OCA2: variants seen among roughly 807,000 people sequenced by gnomAD.
OCA2 encodes the protein P protein.
In OCA2, 77 loss-of-function variants were observed where a neutral mutation model predicts 100.2. The observed-to-expected ratio is 0.77, with a 90% CI of 0.64 to 0.93. The LOEUF is 0.93. Ranked by LOEUF, OCA2 falls within the 40% of genes least tolerant of loss-of-function variation. OCA2 has a pLI of 0.00. For missense variants in OCA2, 1,062 were observed against 1,089.1 expected (o/e 0.98, Z 0.35); for synonymous variants, 432 against 439.2 (o/e 0.98, Z 0.21).
intron 23 of OCA2, among the ~76,000 whole-genome samples, chr15:27,757,840 G>A (rs1420173307): frequency 6.6e-6 from 1 of 152,148 alleles, no homozygotes; most frequent in Non-Finnish European, 1.5e-5. Context: ...TGTTGACTGG[G>A]ATTACAAAGT....
intron 2 of OCA2, among the ~76,000 whole-genome samples, chr15:28,071,805 C>T (rs1163876238): frequency 6.6e-6 from 1 of 152,188 alleles, no homozygotes; most frequent in African/African-American, 2.4e-5. Flanking sequence ...AGACCTCAAA[C>T]TATAGAAATC....
intron 3 of OCA2, among the ~76,000 whole-genome samples, chr15:28,029,023 T>C (rs1566817769): frequency 6.6e-6 from 1 of 152,190 alleles, no homozygotes; most frequent in East Asian, 1.9e-4. Flanking sequence ...CCTGATCAGT[T>C]CCTTCAGTTT....
intron 21 of OCA2, 149 bp from the exon 22 acceptor site, chr15:27,851,624 G>A: frequency 4.0e-6 from 3 of 754,934 alleles, no homozygotes. Flanking sequence ...GCAGACTTTG[G>A]AATCCACAGA....
chr15:27,955,051 A>C, intron 17 of OCA2, 107 bp downstream of exon 17: 1 of 860,754 alleles, frequency 1.2e-6, no homozygotes. Context: ...TAACCACAGA[A>C]ATAAAAAGAG....
rs746969709 is a variant in OCA2, at chr15:27,957,609, C to G, written c.1763G>C (p.Arg588Pro). 1 of 1,612,732 alleles carries G rather than the reference C, an allele frequency of 6.2e-7. No individual in the cohort carries two copies. The highest frequency in any genetic ancestry group is 1.1e-5 in the South Asian group (1 of 91,076). Residue 588 changes from arginine (R) to proline (P), a missense_variant, in exon 16 of 24, where the codon CGG becomes CCG. Physicochemically the swap from Arg to Pro is moderately radical, Grantham distance 103. Transcript: ENST00000354638. The surrounding 1 kb of genome is among the most constrained non-coding windows in gnomAD (Gnocchi z 4.3). ...GTACCTGTGGAAGGTGTGCAGCCTC[C>G]GGGCGAGCAGGTGCTCCAGTGCCAG... Reference protein sequence around the residue: ...KVLALEHLLARRLHTFHRQIS... With the variant: ...KVLALEHLLAPRLHTFHRQIS...
At chr15:27,922,778 CCAT>C (rs2038911115) in intron 19 of OCA2, among the ~76,000 whole-genome samples, 1 of 150,768 alleles carries the variant, frequency 6.6e-6, no homozygotes, top group Non-Finnish European at 1.5e-5. Context: ...TCACAACCCA[CCAT>C]CATTTTTTTT....
chr15:28,056,139 G>A (rs1307212749), intron 2 of OCA2, among the ~76,000 whole-genome samples: 2 of 152,164 alleles, frequency 1.3e-5, no homozygotes, highest in African/African-American at 2.4e-5. Flanking sequence ...ACTGGGGGCT[G>A]GCCAGTTCAG....
chr15:27,737,813 T>A, the OCA2 span, among the ~76,000 whole-genome samples: 2 of 152,214 alleles, frequency 1.3e-5, no homozygotes, highest in African/African-American at 4.8e-5. Flanking sequence ...AGGCAGTCAT[T>A]GATCCAGAGT....
chr15:27,830,236 G>A lies in OCA2; in HGVS notation c.2432+14723C>T, dbSNP rs140306101. Among the ~76,000 whole-genome samples, 85 of 152,176 alleles carry A rather than the reference G, an allele frequency of 5.6e-4. 2 individuals carry two copies. The East Asian group carries it at 0.014, about 25-fold the overall frequency. On this transcript the variant is annotated intron_variant, in intron 23 of 23. Coordinates refer to ENST00000354638, the MANE Select transcript of OCA2 (RefSeq NM_000275.3). ...CCCACCAACATACTCAAAACCCCAC[G>A]AGGATTTTTTCATCATAAAGGTGGT...
chr15:27,789,520 T>C (rs1175897287), intron 23 of OCA2, among the ~76,000 whole-genome samples: 4 of 152,194 alleles, frequency 2.6e-5, no homozygotes, highest in Admixed American at 2.0e-4. Context: ...AGGCTTTTCA[T>C]GTAAACAGCA....
intron 2 of OCA2, among the ~76,000 whole-genome samples, chr15:28,044,141 T>C (rs536686434): frequency 6.6e-6 from 1 of 152,232 alleles, no homozygotes; most frequent in Non-Finnish European, 1.5e-5. Context: ...TATATGTGTA[T>C]GTGTACAACT....
chr15:27,840,912 A>G (rs1338488523), intron 23 of OCA2, among the ~76,000 whole-genome samples: 1 of 152,198 alleles, frequency 6.6e-6, no homozygotes, highest in Non-Finnish European at 1.5e-5. Context: ...CAAAAACACA[A>G]CACATTAAAA....
At chr15:27,881,830 T>C (rs1374625306) in intron 19 of OCA2, among the ~76,000 whole-genome samples, 1 of 152,190 alleles carries the variant, frequency 6.6e-6, no homozygotes, top group Non-Finnish European at 1.5e-5. Context: ...AACTCCTAGA[T>C]TCATTGATTA....
intron 22 of OCA2, among the ~76,000 whole-genome samples, chr15:27,846,434 C>A (rs1400688160): frequency 6.6e-6 from 1 of 152,140 alleles, no homozygotes; most frequent in African/African-American, 2.4e-5. Context: ...CCTACTAACT[C>A]CAGGACATCA....
At chr15:27,782,701 T>C (rs2032606141) in intron 23 of OCA2, among the ~76,000 whole-genome samples, 1 of 152,232 alleles carries the variant, frequency 6.6e-6, no homozygotes, top group African/African-American at 2.4e-5. Flanking sequence ...TGCGACATCT[T>C]TCTCTCTTCC....
chr15:28,003,202 T>C (rs1429999379), intron 9 of OCA2, among the ~76,000 whole-genome samples: 1 of 152,242 alleles, frequency 6.6e-6, no homozygotes, highest in Non-Finnish European at 1.5e-5. Flanking sequence ...TGGAAAAGCT[T>C]TCTGCTCAGA....
chr15:28,046,120 C>A (rs1424664944), intron 2 of OCA2, among the ~76,000 whole-genome samples: 1 of 152,230 alleles, frequency 6.6e-6, no homozygotes, highest in Non-Finnish European at 1.5e-5. Flanking sequence ...CAGACTCTCT[C>A]TTCCTGTGCA....
intron 19 of OCA2, among the ~76,000 whole-genome samples, chr15:27,914,899 T>G (rs2038605636): frequency 2.6e-5 from 4 of 151,878 alleles, no homozygotes; most frequent in Non-Finnish European, 5.9e-5. Flanking sequence ...AGAGCCCAAA[T>G]AGCCAAGGAA....
chr15:28,074,763 C>T (rs1048135836), intron 2 of OCA2, among the ~76,000 whole-genome samples: 48 of 151,584 alleles, frequency 3.2e-4, no homozygotes, highest in African/African-American at 1.1e-3. Context: ...AGGAGAATCG[C>T]TTGAACCCAG....
Sources: allele counts gnomAD v4.1 joint callset (sites outside exome capture counted in the v4.1 genomes callset), GRCh38; gene constraint gnomAD v4.1.1; non-coding constraint Gnocchi (gnomAD v3.1); transcripts MANE v1.5; gene names NCBI Gene and HGNC (gene_info 2026-07-23, HGNC 2026-07-21).